Variants in PRKG1 observed in about 807,000 individuals in gnomAD.
PRKG1 encodes protein kinase cGMP-dependent 1.
A neutral mutation model predicts 88.1 loss-of-function variants in PRKG1; 35 were observed. The observed-to-expected ratio is 0.40, with a 90% CI of 0.30 to 0.53. The LOEUF is 0.53. Among genes scored for constraint, PRKG1 ranks in the 20% least tolerant of loss-of-function variants. PRKG1 has a pLI of 0.59. For synonymous variants in PRKG1, 303 were observed against 292.5 expected (o/e 1.04, Z -0.37); for missense variants, 540 against 839.8 (o/e 0.64, Z 4.41).
At chr10:52,182,948 T>C (rs183064931) in intron 9 of PRKG1, among the ~76,000 whole-genome samples, 1 of 152,204 alleles carries the variant, frequency 6.6e-6, no homozygotes, top group South Asian at 2.1e-4. Context: ...CAGGAAATTT[T>C]TACTCATGCT....
At chr10:52,174,988 T>G (rs1474171329) in intron 9 of PRKG1, among the ~76,000 whole-genome samples, 2 of 152,060 alleles carry the variant, frequency 1.3e-5, no homozygotes, top group Admixed American at 1.3e-4. Context: ...ATTTATGATT[T>G]CTCTGTGTTG....
chr10:51,114,998 G>A (rs551304058), intron 1 of PRKG1, among the ~76,000 whole-genome samples: 63 of 152,032 alleles, frequency 4.1e-4, no homozygotes, highest in Non-Finnish European at 7.5e-4. Context: ...TATGTGCAAA[G>A]TAAAGAGAAG....
intron 6 of PRKG1, among the ~76,000 whole-genome samples, chr10:52,059,391 AT>A (rs1490479571): frequency 6.6e-6 from 1 of 151,450 alleles, no homozygotes; most frequent in Non-Finnish European, 1.5e-5. Flanking sequence ...TCTATTCATA[AT>A]TGCCAAAACT....
Position 51,646,028 on chromosome 10 carries a change from G to A in PRKG1, c.593-158557G>A, listed in dbSNP as rs184196726. 3.7e-3 allele frequency among the ~76,000 whole-genome samples: 570 copies of A among 152,266 alleles called. 3 individuals are homozygous for A. The highest frequency in any genetic ancestry group is 6.4e-3 in the Non-Finnish European group (435 of 68,010). On this transcript the variant is annotated intron_variant, in intron 3 of 17. Transcript: ENST00000373980. ...GTAATTTCCAAAAAATCCTGTTGGG[G>A]TGGGAGTAGGGGAATGACTGTGTGT... is the stretch of plus-strand genomic sequence containing the variant.
chr10:51,845,774 G>C (rs578138106), intron 4 of PRKG1, among the ~76,000 whole-genome samples: 30 of 151,846 alleles, frequency 2.0e-4, no homozygotes, highest in African/African-American at 2.9e-4. Context: ...TTTGGCAAAG[G>C]GTTGTCATAC....
chr10:51,558,787 G>T (rs1357879404), intron 3 of PRKG1, among the ~76,000 whole-genome samples: 1 of 152,136 alleles, frequency 6.6e-6, no homozygotes, highest in Non-Finnish European at 1.5e-5. Flanking sequence ...AAACTGACGT[G>T]TAGACAAGCA....
intron 1 of PRKG1, among the ~76,000 whole-genome samples, chr10:50,999,147 C>T (rs925145698): frequency 2.0e-5 from 3 of 152,104 alleles, no homozygotes; most frequent in Non-Finnish European, 2.9e-5. Context: ...TGTAATTTTT[C>T]CTGTCCAGTG....
intron 12 of PRKG1, among the ~76,000 whole-genome samples, chr10:52,279,266 A>G (rs546763659): frequency 1.3e-5 from 2 of 152,300 alleles, no homozygotes; most frequent in African/African-American, 4.8e-5. Context: ...AGCATGAAGT[A>G]TATCATTTGT....
intron 2 of PRKG1, among the ~76,000 whole-genome samples, chr10:51,165,064 C>T (rs1335591492): frequency 3.3e-5 from 5 of 152,118 alleles, no homozygotes; most frequent in African/African-American, 1.2e-4. Context: ...AAAGATACTC[C>T]TCGAGAAGAG....
intron 1 of PRKG1, among the ~76,000 whole-genome samples, chr10:51,061,555 C>T (rs772401000): frequency 2.6e-5 from 4 of 152,148 alleles, no homozygotes; most frequent in Non-Finnish European, 5.9e-5. Context: ...TCTTCAAATA[C>T]TGCTTTTGCT....
At chr10:51,328,023 T>C (rs1564448206) in intron 2 of PRKG1, among the ~76,000 whole-genome samples, 1 of 152,190 alleles carries the variant, frequency 6.6e-6, no homozygotes, top group Non-Finnish European at 1.5e-5. Context: ...AACACGGGAA[T>C]ATTATTAACC....
chr10:51,001,314 G>A (rs1046086586), intron 1 of PRKG1, among the ~76,000 whole-genome samples: 2 of 152,168 alleles, frequency 1.3e-5, no homozygotes, highest in Non-Finnish European at 2.9e-5. Context: ...GACAGTAGAT[G>A]CCTGTGGCTG....
chr10:52,048,011 T>C (rs1000548811), intron 5 of PRKG1, among the ~76,000 whole-genome samples: 2 of 152,082 alleles, frequency 1.3e-5, no homozygotes, highest in African/African-American at 2.4e-5. Flanking sequence ...TACATGTATA[T>C]GTATATATAA....
chr10:51,725,623 C>A (rs1339073770), intron 3 of PRKG1, among the ~76,000 whole-genome samples: 1 of 108,722 alleles, frequency 9.2e-6, no homozygotes, highest in South Asian at 2.7e-4. Flanking sequence ...TTTCTTTTTT[C>A]TTTTCTTTTT....
intron 2 of PRKG1, among the ~76,000 whole-genome samples, chr10:51,211,243 A>G (rs1672368102): frequency 6.6e-6 from 1 of 152,144 alleles, no homozygotes; most frequent in Admixed American, 6.5e-5. Flanking sequence ...GATGCAGAAA[A>G]GGCCTTTGAC....
At chr10:52,107,966 T>C (rs1373531984) in intron 7 of PRKG1, among the ~76,000 whole-genome samples, 1 of 152,246 alleles carries the variant, frequency 6.6e-6, no homozygotes, top group Non-Finnish European at 1.5e-5. Context: ...ATTGATACAA[T>C]ATGGCATGTT....
intron 2 of PRKG1, among the ~76,000 whole-genome samples, chr10:51,212,622 C>A (rs192320975): frequency 0.02 from 3,069 of 151,972 alleles, 46 homozygotes; most frequent in Middle Eastern, 0.051. Flanking sequence ...ATTTACAAGA[C>A]AAAAACAAAC....
At chr10:51,086,592 G>A (rs987112940) in intron 1 of PRKG1, among the ~76,000 whole-genome samples, 4 of 152,054 alleles carry the variant, frequency 2.6e-5, no homozygotes, top group South Asian at 4.1e-4. Context: ...ATATAACCAC[G>A]ATAGTTTAAG....
intron 10 of PRKG1, among the ~76,000 whole-genome samples, chr10:52,262,410 A>T (rs1841454211): frequency 6.6e-6 from 1 of 152,008 alleles, no homozygotes; most frequent in Non-Finnish European, 1.5e-5. Flanking sequence ...TAGCTGGATT[A>T]CAGGTGCCCA....
Sources: allele counts gnomAD v4.1 joint callset (sites outside exome capture counted in the v4.1 genomes callset), GRCh38; gene constraint gnomAD v4.1.1; transcripts MANE v1.5; gene names NCBI Gene and HGNC (gene_info 2026-07-23, HGNC 2026-07-21).